KALRN: variants seen among roughly 807,000 people sequenced by gnomAD.
KALRN encodes kalirin.
A neutral mutation model predicts 353.7 loss-of-function variants in KALRN; 70 were observed. The observed-to-expected ratio is 0.20, with a 90% CI of 0.16 to 0.24. KALRN has a LOEUF of 0.24. KALRN is among the 10% of genes least tolerant of loss of function. The pLI, the probability that KALRN is intolerant of heterozygous loss-of-function variation, is 1.00. For missense variants in KALRN, 2,791 were observed against 3,756.7 expected (o/e 0.74, Z 6.72); for synonymous variants, 1,391 against 1,434.8 (o/e 0.97, Z 0.69).
chr3:124,639,680 G>C (rs1167213620), intron 37 of KALRN, among the ~76,000 whole-genome samples: 1 of 152,188 alleles, frequency 6.6e-6, no homozygotes. Flanking sequence ...GATGGCATTG[G>C]TGTTGATTGG....
chr3:124,134,644 T>C (rs1403149665), intron 1 of KALRN, among the ~76,000 whole-genome samples: 1 of 151,960 alleles, frequency 6.6e-6, no homozygotes. Context: ...AGGACTAATA[T>C]CCAGAATCTA....
intron 5 of KALRN, among the ~76,000 whole-genome samples, chr3:124,286,213 C>CTCTT (rs1280157928): frequency 1.2e-3 from 167 of 138,626 alleles, no homozygotes; most frequent in African/African-American, 4.2e-3. Flanking sequence ...TTCTCTTTTT[C>CTCTT]TCTTTCTTTC....
chr3:124,347,412 A>G (rs1195478996), intron 10 of KALRN, 147 bp downstream of exon 10: 1 of 1,094,306 alleles, frequency 9.1e-7, no homozygotes, highest in African/African-American at 2.3e-5. Context: ...TGTCTAGATG[A>G]GGGAGACCAG....
chr3:124,717,915 G>A (rs1230509266), intron 59 of KALRN, among the ~76,000 whole-genome samples: 10 of 151,316 alleles, frequency 6.6e-5, no homozygotes, highest in South Asian at 4.2e-4. Flanking sequence ...AGGTACCAGC[G>A]ATTCTCCTGC....
Position 124,189,937 on chromosome 3 carries a change from A to AC in KALRN, c.74-38053_74-38052insC, listed in dbSNP as rs1232982263. Among the ~76,000 whole-genome samples, 3 of 144,922 alleles carry AC rather than the reference A, an allele frequency of 2.1e-5. No individual in the cohort carries two copies. In the East Asian group the frequency reaches 6.1e-4, roughly 30 times the overall value. On this transcript the variant is annotated intron_variant, in intron 1 of 59. Transcript: ENST00000682506. ...CTGGCAACAGAGCAAGACTCTGTCA[A>AC]AAAAAAAAAAAAAAAAGCAACATAG...
chr3:124,509,045 G>A (rs1336670344), intron 33 of KALRN, among the ~76,000 whole-genome samples: 1 of 152,094 alleles, frequency 6.6e-6, no homozygotes, highest in Non-Finnish European at 1.5e-5. Context: ...ATATATTCTG[G>A]ATATTAGTCC....
chr3:124,325,528 T>C (rs1468757480), intron 6 of KALRN, among the ~76,000 whole-genome samples: 3 of 152,120 alleles, frequency 2.0e-5, no homozygotes, highest in African/African-American at 7.2e-5. Context: ...TTCTGCCCTG[T>C]TTGTTGTATG....
At chr3:124,405,119 T>G (rs2091368782) in intron 13 of KALRN, among the ~76,000 whole-genome samples, 1 of 152,240 alleles carries the variant, frequency 6.6e-6, no homozygotes, top group Non-Finnish European at 1.5e-5. Context: ...AATATTTATT[T>G]CATAGTCTCT....
chr3:124,583,155 C>T (rs566159319), intron 34 of KALRN, among the ~76,000 whole-genome samples: 1 of 152,270 alleles, frequency 6.6e-6, no homozygotes, highest in South Asian at 2.1e-4. Flanking sequence ...ATCCTGGTAA[C>T]TTTTAAAAGC....
intron 37 of KALRN, among the ~76,000 whole-genome samples, chr3:124,645,193 A>G (rs75124778): frequency 9.6e-4 from 146 of 151,952 alleles, no homozygotes; most frequent in African/African-American, 3.3e-3. Context: ...TTTCTTGTAA[A>G]TTTGTTTAAG....
At chr3:124,366,166 A>G (rs564177041) in intron 10 of KALRN, among the ~76,000 whole-genome samples, 2 of 151,196 alleles carry the variant, frequency 1.3e-5, no homozygotes, top group South Asian at 4.3e-4. Context: ...GAGACATTTT[A>G]TATGTTTTGT....
chr3:124,658,658 C>T, intron 42 of KALRN, 141 bp downstream of exon 42: 1 of 688,768 alleles, frequency 1.5e-6, no homozygotes. Flanking sequence ...GAATAGCTGC[C>T]TCAACAGAGA....
chr3:124,151,706 T>C (rs1482178641), intron 1 of KALRN, among the ~76,000 whole-genome samples: 1 of 152,236 alleles, frequency 6.6e-6, no homozygotes, highest in African/African-American at 2.4e-5. Context: ...TTAACTTTAT[T>C]GTGGTCCAGT....
intron 5 of KALRN, among the ~76,000 whole-genome samples, chr3:124,296,414 C>CA (rs1222379266): frequency 6.6e-6 from 1 of 152,198 alleles, no homozygotes; most frequent in Non-Finnish European, 1.5e-5. Context: ...ACTAAGTCCC[C>CA]AATCCTGCTC....
chr3:124,661,779 G>T, intron 44 of KALRN, 72 bp from the exon 45 acceptor site: 1 of 1,179,612 alleles, frequency 8.5e-7, no homozygotes, highest in Middle Eastern at 1.9e-4. Flanking sequence ...CTGTTTTCCA[G>T]CACTGAATTA....
At chr3:124,416,152 T>C (rs777075714) in intron 14 of KALRN, among the ~76,000 whole-genome samples, 51 of 152,202 alleles carry the variant, frequency 3.4e-4, no homozygotes, top group Non-Finnish European at 6.6e-4. Flanking sequence ...ATGCTCACCC[T>C]TCATCTCTCA....
At chr3:124,271,033 G>A (rs535035745) in intron 5 of KALRN, among the ~76,000 whole-genome samples, 99 of 152,006 alleles carry the variant, frequency 6.5e-4, no homozygotes, top group African/African-American at 2.2e-3. Context: ...GGGTTTCACC[G>A]TGTTAGCCAG....
chr3:124,243,486 T>G (rs1397101700), intron 3 of KALRN, among the ~76,000 whole-genome samples: 1 of 152,140 alleles, frequency 6.6e-6, no homozygotes, highest in Non-Finnish European at 1.5e-5. Context: ...TAGCGATAAA[T>G]CAAGGACCCA....
intron 34 of KALRN, among the ~76,000 whole-genome samples, chr3:124,611,840 C>T (rs577359623): frequency 6.6e-6 from 1 of 152,182 alleles, no homozygotes; most frequent in African/African-American, 2.4e-5. Context: ...ATCCCAAACT[C>T]GTTTCTGCCT....
Sources: allele counts gnomAD v4.1 joint callset (sites outside exome capture counted in the v4.1 genomes callset), GRCh38; gene constraint gnomAD v4.1.1; transcripts MANE v1.5; gene names NCBI Gene and HGNC (gene_info 2026-07-23, HGNC 2026-07-21).